Variants in HERC2 observed in about 807,000 individuals in gnomAD.
HERC2 encodes E3 ubiquitin-protein ligase HERC2.
A neutral mutation model predicts 537.7 loss-of-function variants in HERC2; 102 were observed. The observed-to-expected ratio is 0.19, with a 90% CI of 0.16 to 0.22. The LOEUF (loss-of-function observed/expected upper bound fraction) is 0.22, where lower values mean the gene tolerates loss of function less well. HERC2 is among the 10% of genes least tolerant of loss of function. The pLI, the probability that HERC2 is intolerant of heterozygous loss-of-function variation, is 1.00. For synonymous variants in HERC2, 2,224 were observed against 2,466.2 expected (o/e 0.90, Z 2.91); for missense variants, 4,236 against 6,198.2 (o/e 0.68, Z 10.63).
Position 28,238,597 on chromosome 15 carries a change from C to T in HERC2, c.3748+5G>A, listed in dbSNP as rs1902707088. The T allele has an allele frequency of 6.2e-7, 1 of 1,607,582 alleles. No homozygotes were observed. Among genetic ancestry groups the T allele is most frequent in the Non-Finnish European group, 8.5e-7 (1 of 1,176,214 alleles). On this transcript the variant is annotated splice_donor_5th_base_variant and intron_variant, in intron 24 of 92. Transcript: ENST00000261609. ...TTAACCAGGAAATAACAAGTGTAATCTTACCAAGAATACTATTTCCTGTTA... is the reference window on the plus strand; with the variant it reads ...TTAACCAGGAAATAACAAGTGTAATTTTACCAAGAATACTATTTCCTGTTA...
Position 28,265,572 on chromosome 15 carries a change from T to G in HERC2, c.1870+46A>C. On this transcript the variant is annotated intron_variant, in intron 14 of 92. Transcript: ENST00000261609. This position sits in a 1 kb window ranked among gnomAD's most constrained non-coding sequence, Gnocchi z 4.0. ...CTCACTTCCTCCAGGGAAGCTGCCA[T>G]GCGTGTCCTCGTGGGCCTGTCCAGG... 6.7e-7 allele frequency: 1 copy of G among 1,503,596 alleles called. No homozygotes were observed. The highest frequency in any genetic ancestry group is 1.1e-5 in the South Asian group (1 of 88,520). The allele number at this position is 1,503,596 out of a possible 1,614,324, so 93.1% of individuals were successfully genotyped here. A position where few individuals can be genotyped will look rare whatever the true frequency, so the allele number is the denominator to read the frequency against.
At chr15:28,114,493 G>T in intron 90 of HERC2, 119 bp downstream of exon 90, 2 of 841,576 alleles carry the variant, frequency 2.4e-6, no homozygotes, top group Non-Finnish European at 3.8e-6. Flanking sequence ...AGCAATAGTT[G>T]GAGCCAAATC....
chr15:28,173,597 A>C (rs138515312), intron 65 of HERC2, among the ~76,000 whole-genome samples: 3,097 of 152,082 alleles, frequency 0.02, 114 homozygotes, highest in African/African-American at 0.072. Context: ...TCAGGAGTTC[A>C]AGACCAACCT....
At chr15:28,252,877 G>C (rs1015079635) in intron 20 of HERC2, among the ~76,000 whole-genome samples, 3 of 152,246 alleles carry the variant, frequency 2.0e-5, no homozygotes, top group African/African-American at 7.2e-5. Context: ...CGTTTTTCTG[G>C]TTGTGGACAG....
At chr15:28,271,905 T>G in intron 9 of HERC2, 1 of 345,630 alleles carries the variant, frequency 2.9e-6, no homozygotes, top group Non-Finnish European at 5.2e-6. Context: ...TGACGTGCCC[T>G]GCACAGAGCC....
At chr15:28,140,479 A>G (rs1425427616) in intron 78 of HERC2, among the ~76,000 whole-genome samples, 2 of 152,226 alleles carry the variant, frequency 1.3e-5, no homozygotes, top group African/African-American at 2.4e-5. Context: ...CACCAAACAT[A>G]AAGTCAATAT....
chr15:28,268,496 C>T lies in HERC2; in HGVS notation c.1567G>A (p.Asp523Asn). The change falls in exon 12 of 93, where the codon GAC (aspartate) becomes AAC (asparagine). Residue 523 changes from aspartate to asparagine, a missense_variant. This residue lies in a region of HERC2 where 754 missense variants were observed against 1,085.0 expected (regional missense o/e 0.69). Coordinates refer to ENST00000261609, the MANE Select transcript of HERC2 (RefSeq NM_004667.6). This position sits in a 1 kb window ranked among gnomAD's most constrained non-coding sequence, Gnocchi z 4.7. ...TCCCCATGGCCCAGCCGTCCGCCGT[C>T]CCCACAGCCCCAGGAGTACACCTCT... is the stretch of plus-strand genomic sequence containing the variant. ...TGEVYSWGCG[D>N]GGRLGHGDTV... 2 of 1,614,076 alleles carry T rather than the reference C, an allele frequency of 1.2e-6. No homozygotes were observed. Among genetic ancestry groups the T allele is most frequent in the Non-Finnish European group, 1.7e-6 (2 of 1,179,964 alleles).
chr15:28,279,002 T>A (rs949557736), intron 5 of HERC2, among the ~76,000 whole-genome samples: 17 of 152,190 alleles, frequency 1.1e-4, no homozygotes, highest in African/African-American at 4.1e-4. Context: ...AAGCATCTCT[T>A]TTTTTTGCTT....
intron 35 of HERC2, among the ~76,000 whole-genome samples, chr15:28,223,984 T>C (rs935903018): frequency 6.6e-6 from 1 of 152,124 alleles, no homozygotes; most frequent in African/African-American, 2.4e-5. Context: ...GATGGAGATA[T>C]GCTTTTGTAA....
chr15:28,231,337 G>A (rs1901818138), intron 30 of HERC2, among the ~76,000 whole-genome samples: 1 of 152,094 alleles, frequency 6.6e-6, no homozygotes, highest in Admixed American at 6.6e-5. Context: ...TCCTGCCTGA[G>A]AAGTTTTTTG....
intron 68 of HERC2, among the ~76,000 whole-genome samples, chr15:28,163,537 A>G (rs1893828299): frequency 6.6e-6 from 1 of 152,258 alleles, no homozygotes; most frequent in Non-Finnish European, 1.5e-5. Context: ...GACTTAAGCT[A>G]TAAAGAAATG....
chr15:28,159,741 C>T (rs1596084370), intron 69 of HERC2, among the ~76,000 whole-genome samples: 1 of 152,246 alleles, frequency 6.6e-6, no homozygotes. Flanking sequence ...TCATCAAAGT[C>T]ATTCTCCTTC....
intron 20 of HERC2, among the ~76,000 whole-genome samples, chr15:28,251,572 G>A (rs1213052229): frequency 3.3e-5 from 5 of 152,150 alleles, no homozygotes; most frequent in African/African-American, 9.7e-5. Context: ...AGGCCAAGGC[G>A]GGCAGATTAC....
chr15:28,322,015 C>G (rs895953776), intron 1 of HERC2, 60 bp downstream of exon 1: 1 of 90,194 alleles, frequency 1.1e-5, no homozygotes, highest in Non-Finnish European at 2.0e-5. Flanking sequence ...CTCGGCCGCC[C>G]GCCAGCCCCG....
chr15:28,190,971 G>A lies in HERC2; in HGVS notation c.8643C>T (p.Cys2881=), dbSNP rs1481826869. 3 of 1,596,380 alleles carry A rather than the reference G, an allele frequency of 1.9e-6. No homozygotes were observed. Among genetic ancestry groups the A allele is most frequent in the Non-Finnish European group, 2.6e-6 (3 of 1,164,000 alleles). ...SDTTVPLLND[C]TEYHRYIEIA... is the part of the protein sequence containing the mutation. ...CACTAGCATAGCTACTTACCTCTGT[G>A]CAGTCATTCAGAAGGGGCACTGTGG... is the stretch of plus-strand genomic sequence containing the variant. The change falls in exon 55 of 93, where the codon TGC becomes TGT. Residue 2881 remains cysteine, a synonymous_variant. Coordinates refer to ENST00000261609, the MANE Select transcript of HERC2 (RefSeq NM_004667.6).
Position 28,113,488 on chromosome 15 carries a change from G to C in HERC2, c.14019+85C>G, listed in dbSNP as rs963204738. On this transcript the variant is annotated intron_variant, in intron 91 of 92. Coordinates refer to ENST00000261609, the MANE Select transcript of HERC2 (RefSeq NM_004667.6). This position sits in a 1 kb window ranked among gnomAD's most constrained non-coding sequence, Gnocchi z 7.0. ...CCCTTCAGTCAACACACAGGGCAAG[G>C]TTCTGACTCTAACTGCTGTCACTGA... is the stretch of plus-strand genomic sequence containing the variant. The C allele has an allele frequency of 2.7e-5, 34 of 1,266,982 alleles. No individual in the cohort carries two copies. In the African/African-American group the frequency reaches 4.8e-4, roughly 18 times the overall value. 78.5% of individuals were successfully genotyped at this position (1,266,982 alleles called of 1,614,324 possible).
rs1887913599 is a variant in HERC2, at chr15:28,113,746, C to A, written c.13914-68G>T. 2 of 1,315,676 alleles carry A rather than the reference C, an allele frequency of 1.5e-6. No individual in the cohort carries two copies. The highest frequency in any genetic ancestry group is 1.2e-5 in the South Asian group (1 of 81,822). The allele number at this position is 1,315,676 out of a possible 1,614,324, so 81.5% of individuals were successfully genotyped here. A position where few individuals can be genotyped will look rare whatever the true frequency, so the allele number is the denominator to read the frequency against. Reference sequence around the variant, plus strand: ...CTGACTTTATGCTGCTCACACCAAGCCTTGGCATGCAGCACTGTGGCCGCA... The same window carrying A: ...CTGACTTTATGCTGCTCACACCAAGACTTGGCATGCAGCACTGTGGCCGCA... On this transcript the variant is annotated intron_variant, in intron 90 of 92. Coordinates refer to ENST00000261609, the MANE Select transcript of HERC2 (RefSeq NM_004667.6). The surrounding 1 kb of genome is among the most constrained non-coding windows in gnomAD (Gnocchi z 7.0).
rs574883435 is a variant in HERC2, at chr15:28,131,993, C to G, written c.12570+107G>C. 2.7e-5 allele frequency: 26 copies of G among 946,058 alleles called. No individual in the cohort carries two copies. The South Asian group carries it at 4.4e-4, about 16-fold the overall frequency. The allele number at this position is 946,058 out of a possible 1,614,324, so 58.6% of individuals were successfully genotyped here. ...TTAAAGTGCTCCTAAGGAGCACACA[C>G]GGGGGACAGTAATGGTGGCTCTGAG... On this transcript the variant is annotated intron_variant, in intron 81 of 92. Coordinates refer to ENST00000261609, the MANE Select transcript of HERC2 (RefSeq NM_004667.6).
At chr15:28,279,699 G>A (rs1463031211) in intron 5 of HERC2, among the ~76,000 whole-genome samples, 2 of 151,710 alleles carry the variant, frequency 1.3e-5, no homozygotes, top group Non-Finnish European at 2.9e-5. Flanking sequence ...TGTAGTCCCA[G>A]CTACTCAGGT....
Sources: gnomAD v4.1 joint callset for allele counts (sites outside exome capture counted in the v4.1 genomes callset) on GRCh38, gnomAD v4.1.1 for gene constraint, gnomAD v4.1.1 regional missense constraint, Gnocchi (gnomAD v3.1) non-coding constraint, MANE v1.5 for transcripts, NCBI Gene and HGNC (gene_info 2026-07-23, HGNC 2026-07-21) for gene names.